Variants in TNFAIP8L3 observed in about 807,000 individuals in gnomAD.
The protein encoded by TNFAIP8L3 is TNF alpha induced protein 8 like 3.
Under a neutral mutation model 11.8 loss-of-function variants are expected in TNFAIP8L3, and 7 were observed. The ratio of observed to expected loss-of-function variants is 0.59; its 90% confidence interval spans 0.34 to 1.11. The LOEUF (loss-of-function observed/expected upper bound fraction) is 1.11. Among genes scored for constraint, TNFAIP8L3 ranks in the 50% most tolerant of loss-of-function variants. TNFAIP8L3 has a pLI of 0.03. For missense variants in TNFAIP8L3, 219 were observed against 258.6 expected, an observed-to-expected ratio of 0.85 and a Z score of 1.05; for synonymous variants, 98 against 103.8, an observed-to-expected ratio of 0.94 and a Z score of 0.34.
At position 51,058,303 on chromosome 15, in the gene TNFAIP8L3, T is replaced by C; in HGVS notation, c.193A>G (p.Lys65Glu). The change falls in exon 2 of 2, where the codon AAA becomes GAA. Residue 65 changes from lysine to glutamate, a missense_variant. By Grantham distance (56) the Lys-to-Glu change is moderately conservative. Transcript: ENST00000637513. ...EIFDELYKVT[K>E]EHTHNKKEAH... ...TCCTTCTTGTTGTGTGTGTGCTCTT[T>C]GGTGACTTTGTAGAGCTCATCAAAG... The C allele has an allele frequency of 6.2e-7, 1 of 1,614,220 alleles. No homozygotes were observed. The highest frequency in any genetic ancestry group is 2.2e-5 in the East Asian group (1 of 44,882).
At chr15:51,085,694 G>T (rs1368234596) in intron 1 of TNFAIP8L3, among the ~76,000 whole-genome samples, 1 of 151,154 alleles carries the variant, frequency 6.6e-6, no homozygotes, top group Non-Finnish European at 1.5e-5. Flanking sequence ...TCCAGTTCTG[G>T]TTCTAACACT....
At chr15:51,105,176 T>C (rs761671859) in exon 1 of TNFAIP8L3, 1 of 1,613,372 alleles carries the variant, frequency 6.2e-7, no homozygotes, top group Non-Finnish European at 8.5e-7. Context: ...GGTTTCCCCA[T>C]TTGGACTCAG....
At chr15:51,104,477 C>A (rs1228017511) in intron 1 of TNFAIP8L3, among the ~76,000 whole-genome samples, 1 of 152,198 alleles carries the variant, frequency 6.6e-6, no homozygotes, top group Admixed American at 6.5e-5. Flanking sequence ...TTTGTCATAC[C>A]CAGCCATGTC....
At chr15:51,077,758 G>T (rs2065363709) in intron 1 of TNFAIP8L3, among the ~76,000 whole-genome samples, 1 of 152,264 alleles carries the variant, frequency 6.6e-6, no homozygotes. Context: ...GCGCACTGGG[G>T]GAACAGGGGG....
chr15:51,069,265 A>T (rs1050713895), intron 1 of TNFAIP8L3, among the ~76,000 whole-genome samples: 1 of 152,214 alleles, frequency 6.6e-6, no homozygotes, highest in Admixed American at 6.5e-5. Flanking sequence ...CCAGAGATTC[A>T]TTCATCCACA....
At chr15:51,073,096 A>C (rs142848242) in intron 1 of TNFAIP8L3, among the ~76,000 whole-genome samples, 1 of 149,556 alleles carries the variant, frequency 6.7e-6, no homozygotes, top group South Asian at 2.1e-4. Flanking sequence ...TCCCGGTTTC[A>C]AGCGATTCTT....
chr15:51,085,396 G>A (rs1305873372), intron 1 of TNFAIP8L3, among the ~76,000 whole-genome samples: 1 of 152,134 alleles, frequency 6.6e-6, no homozygotes, highest in African/African-American at 2.4e-5. Flanking sequence ...GGGCTCTTCT[G>A]ACTAAGAAAG....
At chr15:51,098,993 C>G (rs1355365672), upstream of TNFAIP8L3, among the ~76,000 whole-genome samples, 2 of 152,178 alleles carry the variant, frequency 1.3e-5, no homozygotes, top group Non-Finnish European at 2.9e-5. Context: ...TTAATCAATG[C>G]CTGTGAACTT....
intron 1 of TNFAIP8L3, among the ~76,000 whole-genome samples, chr15:51,075,015 A>T (rs1370617050): frequency 6.6e-6 from 1 of 152,212 alleles, no homozygotes; most frequent in African/African-American, 2.4e-5. Flanking sequence ...AATCCCCATA[A>T]GCAGAACTGC....
At chr15:51,064,394 A>C (rs2065257408) in intron 1 of TNFAIP8L3, among the ~76,000 whole-genome samples, 1 of 152,226 alleles carries the variant, frequency 6.6e-6, no homozygotes, top group South Asian at 2.1e-4. Context: ...TAAGGCTTTG[A>C]GAAGTCCTAC....
At chr15:51,092,298 G>C (rs2065477216) in intron 1 of TNFAIP8L3, among the ~76,000 whole-genome samples, 1 of 152,228 alleles carries the variant, frequency 6.6e-6, no homozygotes, top group Non-Finnish European at 1.5e-5. Flanking sequence ...CATAGATACA[G>C]GTCCATGGAT....
intron 1 of TNFAIP8L3, chr15:51,104,992 A>G: frequency 1.9e-6 from 3 of 1,614,110 alleles, no homozygotes; most frequent in Non-Finnish European, 2.5e-6. Flanking sequence ...CCAGTTCCTG[A>G]GCCAGTGCTG....
intron 1 of TNFAIP8L3, among the ~76,000 whole-genome samples, chr15:51,079,154 G>C (rs113006586): frequency 0.033 from 5,003 of 152,340 alleles, 124 homozygotes; most frequent in Non-Finnish European, 0.051. Flanking sequence ...CCACAGGCAG[G>C]TCTCACCTGC....
At chr15:51,096,707 C>T (rs1388854026), upstream of TNFAIP8L3, among the ~76,000 whole-genome samples, 3 of 151,894 alleles carry the variant, frequency 2.0e-5, no homozygotes, top group Non-Finnish European at 4.4e-5. Context: ...GCCTGACCAA[C>T]ATGGAGAAAC....
chr15:51,104,967 A>G, intron 1 of TNFAIP8L3: 1 of 1,613,672 alleles, frequency 6.2e-7, no homozygotes, highest in Non-Finnish European at 8.5e-7. Context: ...CCCCGCCCCT[A>G]TACTTCCTTC....
intron 1 of TNFAIP8L3, among the ~76,000 whole-genome samples, chr15:51,063,567 G>A (rs1165196440): frequency 1.3e-5 from 2 of 152,196 alleles, no homozygotes; most frequent in Non-Finnish European, 2.9e-5. Flanking sequence ...TGTTCTACCT[G>A]CTTTTTAATT....
intron 1 of TNFAIP8L3, among the ~76,000 whole-genome samples, chr15:51,065,160 T>C (rs1314380399): frequency 6.6e-6 from 1 of 152,210 alleles, no homozygotes; most frequent in Admixed American, 6.5e-5. Context: ...GGGGGCTTCC[T>C]TAAACCAAGA....
chr15:51,096,188 G>C (rs1187831756), upstream of TNFAIP8L3, among the ~76,000 whole-genome samples: 2 of 152,186 alleles, frequency 1.3e-5, no homozygotes, highest in Non-Finnish European at 2.9e-5. Context: ...ATGGTACAGT[G>C]TCATAAGTGA....
intron 1 of TNFAIP8L3, among the ~76,000 whole-genome samples, chr15:51,063,246 T>C (rs572031972): frequency 1.3e-5 from 2 of 152,232 alleles, no homozygotes; most frequent in Non-Finnish European, 2.9e-5. Flanking sequence ...GTGGGTAGAA[T>C]GAGATGTAGC....
Sources: allele counts gnomAD v4.1 joint callset (sites outside exome capture counted in the v4.1 genomes callset), GRCh38; gene constraint gnomAD v4.1.1; transcripts MANE v1.5; gene names NCBI Gene and HGNC (gene_info 2026-07-23, HGNC 2026-07-21).